CELF2: variants seen among roughly 807,000 people sequenced by gnomAD.
The protein encoded by CELF2 is CUGBP Elav-like family member 2, also known as CUG triplet repeat RNA-binding protein 2.
In CELF2, 8 loss-of-function variants were observed where a neutral mutation model predicts 62.6. The ratio of observed to expected loss-of-function variants is 0.13; its 90% CI spans 0.07 to 0.23. The LOEUF (loss-of-function observed/expected upper bound fraction) is 0.23, where lower values mean the gene tolerates loss of function less well. Ranked by LOEUF, CELF2 falls within the 10% of genes least tolerant of loss-of-function variation. The pLI, the probability that CELF2 is intolerant of heterozygous loss-of-function variation, is 1.00. For synonymous variants in CELF2, 258 were observed against 250.0 expected (o/e 1.03, Z -0.30); for missense variants, 333 against 671.0 (o/e 0.50, Z 5.56).
At chr10:11,257,955 A>T in intron 5 of CELF2, 83 bp downstream of exon 5, 1 of 1,525,340 alleles carries the variant, frequency 6.6e-7, no homozygotes, top group Non-Finnish European at 9.0e-7. Flanking sequence ...TAGGCACCGC[A>T]CACGGCAAGA....
In CELF2 at chr10:11,197,051, A is replaced by G. The variant is rs1310300177; in HGVS notation, c.272-20374A>G. On this transcript the variant is annotated intron_variant, in intron 2 of 12. Transcript: ENST00000633077. ...AAAGAAAGAAAGAAAGAAAGAAAGA[A>G]AGAAAGAAAAGAAAGAAAGGAAAGA... Among the ~76,000 whole-genome samples the G allele has an allele frequency of 9.8e-3, 657 of 67,168 alleles. 121 individuals carry two copies. Among genetic ancestry groups the G allele is most frequent in the South Asian group, 0.032 (84 of 2,656 alleles). The allele number at this position is 67,168 out of a possible 152,430, so 44.1% of individuals were successfully genotyped here.
the CELF2 span, among the ~76,000 whole-genome samples, chr10:10,650,442 A>G: frequency 6.6e-6 from 1 of 152,252 alleles, no homozygotes; most frequent in Non-Finnish European, 1.5e-5. Flanking sequence ...AAAGATATGC[A>G]TACTCTGTAA....
the CELF2 span, among the ~76,000 whole-genome samples, chr10:10,478,898 T>C: frequency 1.9e-3 from 288 of 152,082 alleles, 3 homozygotes; most frequent in African/African-American, 6.6e-3. Context: ...GCACAAAGAG[T>C]AGGTTAAATT....
chr10:10,636,712 G>A, the CELF2 span, among the ~76,000 whole-genome samples: 5 of 152,050 alleles, frequency 3.3e-5, no homozygotes, highest in Non-Finnish European at 5.9e-5. Context: ...TATTGCTTAC[G>A]AATTTTACCC....
At chr10:11,091,962 T>G (rs1428091146) in intron 1 of CELF2, among the ~76,000 whole-genome samples, 1 of 152,208 alleles carries the variant, frequency 6.6e-6, no homozygotes, top group African/African-American at 2.4e-5. Flanking sequence ...ATAAAATTTC[T>G]CAGTTATATA....
At chr10:10,473,765 A>G in the CELF2 span, among the ~76,000 whole-genome samples, 73 of 152,210 alleles carry the variant, frequency 4.8e-4, no homozygotes, top group Non-Finnish European at 8.1e-4. Context: ...ATTGTACTAA[A>G]TTATTGGTCC....
chr10:10,811,099 G>A (rs367960839), intron 1 of CELF2, among the ~76,000 whole-genome samples: 4 of 152,160 alleles, frequency 2.6e-5, no homozygotes, highest in African/African-American at 4.8e-5. Context: ...TCAGACTCAC[G>A]ACCAAAGACC....
At chr10:10,612,519 C>T in the CELF2 span, among the ~76,000 whole-genome samples, 1 of 152,134 alleles carries the variant, frequency 6.6e-6, no homozygotes, top group Non-Finnish European at 1.5e-5. Context: ...AGCAGAGACA[C>T]ATTCTGTATG....
At chr10:10,536,932 T>G in the CELF2 span, among the ~76,000 whole-genome samples, 6 of 152,182 alleles carry the variant, frequency 3.9e-5, no homozygotes, top group African/African-American at 1.4e-4. Flanking sequence ...GGGGCTCCAC[T>G]GGCTAGTGTT....
At chr10:10,473,887 T>C in the CELF2 span, among the ~76,000 whole-genome samples, 1 of 152,196 alleles carries the variant, frequency 6.6e-6, no homozygotes, top group South Asian at 2.1e-4. Context: ...AAATATCTGA[T>C]ATTTAACACT....
rs550806846 is a variant in CELF2, at chr10:10,890,304, G to A, written c.54-29660G>A. On this transcript the variant is annotated intron_variant, in intron 1 of 13. Transcript: ENST00000636488. Reference sequence around the variant, plus strand: ...TCAAAGGTGAATTGTCTACATCATGGACAGTAAAGTAGAAAGGAAGGCCCA... The same window carrying A: ...TCAAAGGTGAATTGTCTACATCATGAACAGTAAAGTAGAAAGGAAGGCCCA... 1.6e-4 allele frequency among the ~76,000 whole-genome samples: 25 copies of A among 152,246 alleles called. 1 individual carries two copies. The South Asian group carries it at 5.2e-3, about 32-fold the overall frequency.
chr10:10,925,923 C>G (rs2065417193), intron 2 of CELF2, among the ~76,000 whole-genome samples: 1 of 152,194 alleles, frequency 6.6e-6, no homozygotes, highest in Non-Finnish European at 1.5e-5. Context: ...GGTGTGTTCT[C>G]TCTTCCTCCC....
chr10:11,100,215 A>G lies in CELF2; in HGVS notation c.75-65271A>G, dbSNP rs745855889. On this transcript the variant is annotated intron_variant, in intron 1 of 12. Coordinates refer to ENST00000633077, the MANE Select transcript of CELF2 (RefSeq NM_001326342.2). ...CGAGACTCTGTCTCAAAATAAATAA[A>G]TAAATAAAATAAATAAATAAATAAA... 5.1e-3 allele frequency among the ~76,000 whole-genome samples: 633 copies of G among 123,828 alleles called. 1 individual carries two copies. Among genetic ancestry groups the G allele is most frequent in the Middle Eastern group, 7.3e-3 (2 of 274 alleles). The allele number at this position is 123,828 out of a possible 152,430, so 81.2% of individuals were successfully genotyped here.
chr10:10,674,043 G>T, the CELF2 span, among the ~76,000 whole-genome samples: 169 of 152,280 alleles, frequency 1.1e-3, 1 homozygote, highest in African/African-American at 4.0e-3. Context: ...ATATCCAGTT[G>T]ATTGACAGTA....
At position 11,256,573 on chromosome 10, in the gene CELF2, C is replaced by T. The variant is rs200237221; in HGVS notation, c.404-1165C>T. Among the ~76,000 whole-genome samples the T allele has an allele frequency of 4.9e-4, 49 of 100,900 alleles. 1 individual carries two copies. Among genetic ancestry groups the T allele is most frequent in the Non-Finnish European group, 7.7e-4 (35 of 45,708 alleles). The allele number at this position is 100,900 out of a possible 152,430, so 66.2% of individuals were successfully genotyped here. ...CAGTCTGGCTGCAGCTGGCTAGCTTCTTTTTTTTTTTTTTTTAATTCTAAG... is the reference window on the plus strand; with the variant it reads ...CAGTCTGGCTGCAGCTGGCTAGCTTTTTTTTTTTTTTTTTTTAATTCTAAG... On this transcript the variant is annotated intron_variant, in intron 4 of 12. Coordinates refer to ENST00000633077, the MANE Select transcript of CELF2 (RefSeq NM_001326342.2).
the CELF2 span, among the ~76,000 whole-genome samples, chr10:10,571,244 G>T: frequency 6.6e-6 from 1 of 152,068 alleles, no homozygotes; most frequent in Admixed American, 6.6e-5. Context: ...AGACATTAGA[G>T]CATTTACCAT....
chr10:10,722,987 C>T, the CELF2 span, among the ~76,000 whole-genome samples: 2 of 152,082 alleles, frequency 1.3e-5, no homozygotes, highest in African/African-American at 2.4e-5. Context: ...TCATCTTATT[C>T]GATTAAAAGG....
rs977889368 is a variant in CELF2 at position 11,255,774 on chromosome 10, C to CT, written c.404-1961dup. ...TTTCTAGGAGAGAAAAGAGTCTAAA[C>CT]TTTCATTCCATGGATGACAAAACAG... On this transcript the variant is annotated intron_variant, in intron 4 of 12. Coordinates refer to ENST00000633077, the MANE Select transcript of CELF2 (RefSeq NM_001326342.2). The surrounding 1 kb of genome is among the most constrained non-coding windows in gnomAD (Gnocchi z 5.5). 6.6e-6 allele frequency among the ~76,000 whole-genome samples: 1 copy of CT among 152,154 alleles called. No homozygotes were observed. Among genetic ancestry groups the CT allele is most frequent in the Non-Finnish European group, 1.5e-5 (1 of 68,034 alleles).
chr10:10,569,010 A>G, the CELF2 span, among the ~76,000 whole-genome samples: 9 of 152,172 alleles, frequency 5.9e-5, no homozygotes, highest in South Asian at 2.1e-4. Flanking sequence ...AATAGAAAAA[A>G]GGCTAGATTG....
Sources: gnomAD v4.1 joint callset for allele counts (sites outside exome capture counted in the v4.1 genomes callset) on GRCh38, gnomAD v4.1.1 for gene constraint, Gnocchi (gnomAD v3.1) non-coding constraint, MANE v1.5 for transcripts, NCBI Gene and HGNC (gene_info 2026-07-23, HGNC 2026-07-21) for gene names.